The following CCDC178 variants were observed in gnomAD, a reference collection of about 807,000 sequenced individuals.
CCDC178 encodes the protein coiled-coil domain-containing protein 178.
CCDC178 carries 126 observed loss-of-function variants against 117.4 expected under a neutral mutation model. The ratio of observed to expected loss-of-function variants is 1.07; its 90% CI spans 0.93 to 1.24. CCDC178 has a LOEUF of 1.24. CCDC178 is among the 50% of genes most tolerant of loss of function. The pLI, the probability that CCDC178 is intolerant of heterozygous loss-of-function variation, is 0.00. For synonymous variants in CCDC178, 283 were observed against 313.4 expected, an observed-to-expected ratio of 0.90 and a Z score of 1.02; for missense variants, 1,030 against 986.9, an observed-to-expected ratio of 1.04 and a Z score of -0.59.
At chr18:33,268,001 A>G (rs1240938479) in intron 12 of CCDC178, among the ~76,000 whole-genome samples, 3 of 151,718 alleles carry the variant, frequency 2.0e-5, no homozygotes, top group African/African-American at 7.2e-5. Flanking sequence ...TAAAGTAAAC[A>G]AAAACTCTTA....
intron 18 of CCDC178, among the ~76,000 whole-genome samples, chr18:33,222,047 A>G (rs1299318009): frequency 2.0e-5 from 3 of 152,124 alleles, no homozygotes; most frequent in African/African-American, 4.8e-5. Context: ...GAAAATGCTC[A>G]CTAGTTTAAG....
intron 4 of CCDC178, among the ~76,000 whole-genome samples, chr18:33,391,308 T>C (rs942618483): frequency 6.6e-6 from 1 of 151,700 alleles, no homozygotes; most frequent in Non-Finnish European, 1.5e-5. Flanking sequence ...CAGCATATTG[T>C]ATTAGAAAAA....
Position 33,266,919 on chromosome 18 carries a change from T to C in CCDC178, c.1406A>G (p.Glu469Gly). Residue 469 changes from glutamate (E) to glycine (G), a missense_variant, in exon 14 of 23, where the codon GAA becomes GGA. By Grantham distance (98) the Glu-to-Gly change is moderately conservative. Transcript: ENST00000383096. Reference protein sequence around the residue: ...DINKITVKTNESIRKKSKYES... With the variant: ...DINKITVKTNGSIRKKSKYES... ...AGAAAAGTATTTGCAAATTTACCTTTCATTGGTTTTTACTGTTATTTTGTT... is the reference window on the plus strand; with the variant it reads ...AGAAAAGTATTTGCAAATTTACCTTCCATTGGTTTTTACTGTTATTTTGTT... 6.4e-7 allele frequency: 1 copy of C among 1,566,124 alleles called. No homozygotes were observed. The highest frequency in any genetic ancestry group is 1.2e-5 in the South Asian group (1 of 84,262).
At chr18:33,241,455 T>C (rs867185557) in intron 15 of CCDC178, among the ~76,000 whole-genome samples, 58 of 151,436 alleles carry the variant, frequency 3.8e-4, no homozygotes, top group African/African-American at 1.4e-3. Flanking sequence ...TGTGTGTGTG[T>C]GTGTGTGTGT....
At chr18:33,300,788 T>C (rs573460602) in intron 11 of CCDC178, among the ~76,000 whole-genome samples, 5 of 152,296 alleles carry the variant, frequency 3.3e-5, no homozygotes, top group African/African-American at 1.2e-4. Flanking sequence ...TATTATCATA[T>C]ATGGGAGCAA....
At chr18:33,352,374 C>T (rs994497678) in intron 7 of CCDC178, among the ~76,000 whole-genome samples, 3 of 151,956 alleles carry the variant, frequency 2.0e-5, no homozygotes, top group Admixed American at 6.6e-5. Flanking sequence ...CAAAGAAAAA[C>T]CTTTTGTTTT....
intron 21 of CCDC178, among the ~76,000 whole-genome samples, chr18:33,074,407 TTA>T (rs2057168045): frequency 6.6e-6 from 1 of 152,116 alleles, no homozygotes; most frequent in Non-Finnish European, 1.5e-5. Context: ...TTGCACCTGT[TTA>T]TATAGACCAA....
intron 21 of CCDC178, among the ~76,000 whole-genome samples, chr18:32,982,537 G>A (rs574235560): frequency 6.6e-6 from 1 of 152,148 alleles, no homozygotes; most frequent in South Asian, 2.1e-4. Context: ...ACAACTGCTG[G>A]ATTCAAATCT....
chr18:33,342,883 T>G lies in CCDC178; in HGVS notation c.658+3328A>C, dbSNP rs550303655. Among the ~76,000 whole-genome samples, 62 of 152,278 alleles carry G rather than the reference T, an allele frequency of 4.1e-4. 1 individual carries two copies. The highest frequency in any genetic ancestry group is 1.5e-3 in the African/African-American group (62 of 41,554). On this transcript the variant is annotated intron_variant, in intron 9 of 22. Transcript: ENST00000383096. ...AACAATTCAAAACAAAATGGAAGAT[T>G]TAACATTCCATTAATTACTGAGACC...
intron 11 of CCDC178, among the ~76,000 whole-genome samples, chr18:33,304,749 G>A (rs1385137307): frequency 2.0e-5 from 3 of 152,056 alleles, no homozygotes; most frequent in Non-Finnish European, 2.9e-5. Context: ...AAGACCTCAA[G>A]CTTTATTATA....
intron 20 of CCDC178, among the ~76,000 whole-genome samples, chr18:33,103,384 G>T (rs944673218): frequency 1.3e-5 from 2 of 151,448 alleles, no homozygotes; most frequent in Admixed American, 1.3e-4. Context: ...TATGAGATTT[G>T]GTGGGGACAC....
intron 21 of CCDC178, among the ~76,000 whole-genome samples, chr18:33,067,858 A>C (rs1174774939): frequency 6.6e-6 from 1 of 152,044 alleles, no homozygotes; most frequent in Non-Finnish European, 1.5e-5. Flanking sequence ...AATAAAAAGA[A>C]AGAAAGAAAA....
chr18:33,437,323 A>T (rs1240762825), intron 2 of CCDC178, among the ~76,000 whole-genome samples: 2 of 152,232 alleles, frequency 1.3e-5, no homozygotes, highest in East Asian at 3.9e-4. Flanking sequence ...CCATCAATAC[A>T]GGGATGTTCA....
chr18:32,998,408 G>A lies in CCDC178; in HGVS notation c.2389-23727C>T, dbSNP rs532042272. Among the ~76,000 whole-genome samples, 10 of 152,260 alleles carry A rather than the reference G, an allele frequency of 6.6e-5. No individual in the cohort carries two copies. In the South Asian group the frequency reaches 2.1e-3, roughly 32 times the overall value. On this transcript the variant is annotated intron_variant, in intron 21 of 22. Transcript: ENST00000383096. ...CTCAAAAGGCAGTCTAGGCCATGAG[G>A]ACTGTAATTCTTGAGCAACTCCTGG...
intron 21 of CCDC178, among the ~76,000 whole-genome samples, chr18:32,975,023 T>G (rs2055003779): frequency 1.3e-5 from 2 of 152,156 alleles, no homozygotes; most frequent in South Asian, 4.1e-4. Flanking sequence ...TGGGACATAT[T>G]GAACCTTTCT....
intron 22 of CCDC178, among the ~76,000 whole-genome samples, chr18:32,945,590 G>A (rs564061184): frequency 1.3e-5 from 2 of 152,258 alleles, no homozygotes; most frequent in South Asian, 4.1e-4. Flanking sequence ...TTTAGTAACT[G>A]TGTAAGCACA....
At position 33,259,633 on chromosome 18, in the gene CCDC178, G is replaced by A. The variant is rs150951369; in HGVS notation, c.1409+7283C>T. Among the ~76,000 whole-genome samples the A allele has an allele frequency of 1.4e-3, 208 of 152,064 alleles. 1 individual carries two copies. The highest frequency in any genetic ancestry group is 4.8e-3 in the African/African-American group (199 of 41,470). The stretch of plus-strand genomic sequence containing the variant: ...TCACGAGAACAGCAAGGGGAAGTCT[G>A]CCCCCATGATTCAATCACCCCCCCC... On this transcript the variant is annotated intron_variant, in intron 14 of 22. Transcript: ENST00000383096.
chr18:33,433,831 C>T (rs1394398144), intron 2 of CCDC178, among the ~76,000 whole-genome samples: 9 of 151,034 alleles, frequency 6.0e-5, no homozygotes, highest in South Asian at 2.1e-4. Flanking sequence ...TTTTCTTATA[C>T]GTTTCATAAA....
At chr18:33,227,015 T>C (rs2059311107) in intron 15 of CCDC178, among the ~76,000 whole-genome samples, 160 bp from the exon 16 acceptor site, 1 of 149,378 alleles carries the variant, frequency 6.7e-6, no homozygotes. Flanking sequence ...CTGGTGTTTT[T>C]CGAGGTAAAG....
Sources: allele counts gnomAD v4.1 joint callset (sites outside exome capture counted in the v4.1 genomes callset), GRCh38; gene constraint gnomAD v4.1.1; transcripts MANE v1.5; gene names NCBI Gene and HGNC (gene_info 2026-07-23, HGNC 2026-07-21).